KPNA4: variants seen among roughly 807,000 people sequenced by gnomAD.
KPNA4 encodes the protein karyopherin subunit alpha 4.
A neutral mutation model predicts 71.3 loss-of-function variants in KPNA4; 13 were observed. The observed-to-expected ratio is 0.18, with a 90% CI of 0.12 to 0.29. The LOEUF (loss-of-function observed/expected upper bound fraction) is 0.29, where lower values mean the gene tolerates loss of function less well. Among genes scored for constraint, KPNA4 ranks in the 10% least tolerant of loss-of-function variants. The probability of loss-of-function intolerance (pLI) is 1.00; values close to 1 mark genes in which losing one functional copy is unlikely to be tolerated. For synonymous variants in KPNA4, 189 were observed against 195.2 expected (o/e 0.97, Z 0.26); for missense variants, 334 against 603.2 (o/e 0.55, Z 4.67).
In KPNA4 at chr3:160,508,352, T is replaced by A. The variant is rs181014938; in HGVS notation, c.1210-83A>T. On this transcript the variant is annotated intron_variant, in intron 14 of 16. Transcript: ENST00000334256. ...TATCTCACTGGAATAATTCTGATTT[T>A]GAAATTTCGAGTATAGAAATATGAC... The A allele has an allele frequency of 1.9e-5, 20 of 1,032,584 alleles. No homozygotes were observed. The East Asian group carries it at 3.6e-4, about 19-fold the overall frequency. The allele number at this position is 1,032,584 out of a possible 1,614,324, so 64.0% of individuals were successfully genotyped here. A position where few individuals can be genotyped will look rare whatever the true frequency, so the allele number is the denominator to read the frequency against.
intron 1 of KPNA4, among the ~76,000 whole-genome samples, chr3:160,547,835 T>C (rs964913734): frequency 6.6e-6 from 1 of 152,224 alleles, no homozygotes; most frequent in Non-Finnish European, 1.5e-5. Flanking sequence ...TCAGATTGTC[T>C]TGTTTCTTTT....
chr3:160,505,107 G>A, intron 15 of KPNA4, 55 bp from the exon 16 acceptor site: 4 of 907,258 alleles, frequency 4.4e-6, no homozygotes, highest in African/African-American at 1.7e-5. Context: ...GCAGTGACAA[G>A]TTAGAATAAT....
intron 10 of KPNA4, 25 bp downstream of exon 10, chr3:160,525,775 T>C (rs1721445972): frequency 6.8e-7 from 1 of 1,467,050 alleles, no homozygotes; most frequent in Non-Finnish European, 9.2e-7. Context: ...CATACATAAA[T>C]ATATAATAGG....
chr3:160,551,675 C>A (rs1471653831), intron 1 of KPNA4, among the ~76,000 whole-genome samples: 1 of 152,104 alleles, frequency 6.6e-6, no homozygotes, highest in Admixed American at 6.5e-5. Flanking sequence ...ACTTTTATAC[C>A]TTTACTAGCA....
intron 10 of KPNA4, among the ~76,000 whole-genome samples, chr3:160,524,564 G>A (rs1292547693): frequency 1.3e-5 from 2 of 151,902 alleles, no homozygotes; most frequent in African/African-American, 2.4e-5. Context: ...GGCTGGTCTC[G>A]AACTCCTGCA....
chr3:160,565,413 T>A lies in KPNA4; in HGVS notation c.-131A>T. ...GCCCGCCGCGCCGCCGCTTCCTTCCTCCTCTCACCTGCCTCCGCCGCGGCC... is the reference window on the plus strand; with the variant it reads ...GCCCGCCGCGCCGCCGCTTCCTTCCACCTCTCACCTGCCTCCGCCGCGGCC... On this transcript the variant is annotated 5_prime_UTR_variant, in exon 1 of 17. Coordinates refer to ENST00000334256, the MANE Select transcript of KPNA4 (RefSeq NM_002268.5). The A allele has an allele frequency of 1.4e-6, 1 of 701,076 alleles. No homozygotes were observed. Among genetic ancestry groups the A allele is most frequent in the Non-Finnish European group, 2.4e-6 (1 of 415,354 alleles). The allele number at this position is 701,076 out of a possible 1,614,324, so 43.4% of individuals were successfully genotyped here.
chr3:160,515,693 T>C (rs1577048941), intron 11 of KPNA4, 113 bp from the exon 12 acceptor site: 3 of 1,178,680 alleles, frequency 2.5e-6, no homozygotes, highest in Non-Finnish European at 2.4e-6. Context: ...CAGCTCACTG[T>C]AACCTCTGCC....
At chr3:160,561,140 C>A (rs1276543929) in intron 1 of KPNA4, among the ~76,000 whole-genome samples, 1 of 151,658 alleles carries the variant, frequency 6.6e-6, no homozygotes, top group Non-Finnish European at 1.5e-5. Flanking sequence ...TTTTAATATT[C>A]TTTTATATTT....
chr3:160,517,482 G>A (rs929891729), intron 11 of KPNA4, among the ~76,000 whole-genome samples: 1 of 152,078 alleles, frequency 6.6e-6, no homozygotes, highest in Non-Finnish European at 1.5e-5. Flanking sequence ...GTACCTAAGA[G>A]TAATTAATTG....
At chr3:160,504,041 G>A (rs866204429) in intron 16 of KPNA4, among the ~76,000 whole-genome samples, 9 of 151,984 alleles carry the variant, frequency 5.9e-5, no homozygotes, top group African/African-American at 1.2e-4. Context: ...CTGTGACTGC[G>A]CCAATGCACT....
intron 12 of KPNA4, 33 bp downstream of exon 12, chr3:160,515,419 G>T: frequency 6.6e-7 from 1 of 1,523,944 alleles, no homozygotes; most frequent in South Asian, 1.2e-5. Context: ...CATTTTAAGT[G>T]CTATCTATTA....
Position 160,551,947 on chromosome 3 carries a change from G to A in KPNA4, c.69+13267C>T, listed in dbSNP as rs550428397. Among the ~76,000 whole-genome samples the A allele has an allele frequency of 3.5e-5, 5 of 143,524 alleles. 1 individual carries two copies. Among genetic ancestry groups the A allele is most frequent in the Admixed American group, 3.5e-4 (5 of 14,418 alleles). 94.2% of individuals were successfully genotyped at this position (143,524 alleles called of 152,430 possible). On this transcript the variant is annotated intron_variant, in intron 1 of 16. Coordinates refer to ENST00000334256, the MANE Select transcript of KPNA4 (RefSeq NM_002268.5). ...TTCTTGGTTGTCACAACTGGGGGGG[G>A]GGGGGTGATGTGCTACTGACATCTA...
At chr3:160,510,766 G>A (rs1479806572) in intron 13 of KPNA4, among the ~76,000 whole-genome samples, 1 of 151,208 alleles carries the variant, frequency 6.6e-6, no homozygotes, top group African/African-American at 2.4e-5. Context: ...ATATAATCGG[G>A]CAAAAACATC....
chr3:160,522,582 C>T (rs941854705), intron 10 of KPNA4, among the ~76,000 whole-genome samples: 9 of 152,256 alleles, frequency 5.9e-5, no homozygotes, highest in African/African-American at 1.4e-4. Context: ...CTCAGCCTCC[C>T]GAGTAGCTGG....
Position 160,548,077 on chromosome 3 carries a change from G to T in KPNA4, c.70-11237C>A, listed in dbSNP as rs568262801. On this transcript the variant is annotated intron_variant, in intron 1 of 16. Coordinates refer to ENST00000334256, the MANE Select transcript of KPNA4 (RefSeq NM_002268.5). ...AAGGCGTGCTATTGTTGGGTCATAT[G>T]GTAAGAGTATGTTCAGTTTTGTACT... 3.1e-4 allele frequency among the ~76,000 whole-genome samples: 47 copies of T among 152,244 alleles called. 1 individual carries two copies. Among genetic ancestry groups the T allele is most frequent in the African/African-American group, 1.0e-3 (42 of 41,550 alleles).
At chr3:160,519,219 A>C (rs1057413340) in intron 11 of KPNA4, among the ~76,000 whole-genome samples, 6 of 152,168 alleles carry the variant, frequency 3.9e-5, no homozygotes, top group African/African-American at 1.4e-4. Context: ...ATGTCTTTCC[A>C]TTTATTTAGG....
At position 160,514,190 on chromosome 3, in the gene KPNA4, C is replaced by G. The variant is rs755844407; in HGVS notation, c.1033-9G>C. ...AGGAACCACACTGCTTCCTGTAGAA[C>G]AAGAGCATTTGAATATTTCTCATTA... On this transcript the variant is annotated splice_polypyrimidine_tract_variant and intron_variant, in intron 12 of 16. Coordinates refer to ENST00000334256, the MANE Select transcript of KPNA4 (RefSeq NM_002268.5). 22 of 1,572,104 alleles carry G rather than the reference C, an allele frequency of 1.4e-5. No homozygotes were observed. In the South Asian group the frequency reaches 2.0e-4, roughly 14 times the overall value.
chr3:160,509,740 T>C (rs1444371462), intron 14 of KPNA4, 60 bp downstream of exon 14: 2 of 1,087,942 alleles, frequency 1.8e-6, no homozygotes, highest in Non-Finnish European at 2.8e-6. Context: ...TCTAAATCAA[T>C]ATTACCTGTA....
intron 1 of KPNA4, among the ~76,000 whole-genome samples, chr3:160,553,612 A>T (rs1180112581): frequency 6.6e-6 from 1 of 152,150 alleles, no homozygotes; most frequent in African/African-American, 2.4e-5. Flanking sequence ...CTGAATAAGG[A>T]TATGTTCCTT....
Sources: gnomAD v4.1 joint callset for allele counts (sites outside exome capture counted in the v4.1 genomes callset) on GRCh38, gnomAD v4.1.1 for gene constraint, MANE v1.5 for transcripts, NCBI Gene and HGNC (gene_info 2026-07-23, HGNC 2026-07-21) for gene names.